The following RPGRIP1L variants were observed in gnomAD, a reference collection of about 807,000 sequenced individuals.
RPGRIP1L encodes RPGRIP1 like.
In RPGRIP1L, 131 loss-of-function variants were observed where a neutral mutation model predicts 160.4. The ratio of observed to expected loss-of-function variants is 0.82; its 90% CI spans 0.71 to 0.94. RPGRIP1L has a LOEUF of 0.94. Among genes scored for constraint, RPGRIP1L ranks in the 40% least tolerant of loss-of-function variants. The probability of loss-of-function intolerance (pLI) is 0.00; values close to 1 mark genes in which losing one functional copy is unlikely to be tolerated. For synonymous variants in RPGRIP1L, 510 were observed against 515.8 expected, an observed-to-expected ratio of 0.99 and a Z score of 0.15; for missense variants, 1,522 against 1,535.8, an observed-to-expected ratio of 0.99 and a Z score of 0.15.
chr16:53,684,620 A>C (rs1431256902), intron 6 of RPGRIP1L, among the ~76,000 whole-genome samples: 5 of 152,122 alleles, frequency 3.3e-5, no homozygotes, highest in Non-Finnish European at 1.5e-5. Flanking sequence ...GAGGGATAAC[A>C]TTAGGAGATA....
intron 23 of RPGRIP1L, among the ~76,000 whole-genome samples, chr16:53,620,987 T>A (rs1964674237): frequency 6.6e-6 from 1 of 152,196 alleles, no homozygotes; most frequent in African/African-American, 2.4e-5. Context: ...ACAACATTTA[T>A]GTTTCTGCAC....
intron 17 of RPGRIP1L, among the ~76,000 whole-genome samples, chr16:53,644,291 A>G (rs1365108863): frequency 1.3e-5 from 2 of 152,212 alleles, no homozygotes; most frequent in African/African-American, 4.8e-5. Context: ...AATCTGAAGA[A>G]TGGGAGGAAA....
intron 8 of RPGRIP1L, 52 bp from the exon 9 acceptor site, chr16:53,671,635 G>A (rs760668709): frequency 3.1e-5 from 29 of 931,162 alleles, no homozygotes; most frequent in Non-Finnish European, 4.4e-5. Context: ...AAAACCACTT[G>A]GGGGTAAAAA....
At chr16:53,648,613 TGCGCGCGC>T (rs113828309) in intron 16 of RPGRIP1L, among the ~76,000 whole-genome samples, 4 of 133,134 alleles carry the variant, frequency 3.0e-5, no homozygotes, top group African/African-American at 1.0e-4. Flanking sequence ...CGTACGCGCG[TGCGCGCGC>T]GCGCGCACAC....
At chr16:53,658,648 A>G in intron 11 of RPGRIP1L, 124 bp downstream of exon 11, 2 of 840,728 alleles carry the variant, frequency 2.4e-6, no homozygotes, top group South Asian at 3.0e-5. Context: ...TGATAGCATG[A>G]GTTAATAAAC....
At chr16:53,618,183 G>A (rs1199698787) in intron 24 of RPGRIP1L, among the ~76,000 whole-genome samples, 3 of 152,170 alleles carry the variant, frequency 2.0e-5, no homozygotes, top group African/African-American at 4.8e-5. Context: ...CAGAAAACCT[G>A]CCTGCTGCTA....
chr16:53,616,231 G>T (rs954310068), intron 24 of RPGRIP1L, among the ~76,000 whole-genome samples: 1 of 152,140 alleles, frequency 6.6e-6, no homozygotes, highest in African/African-American at 2.4e-5. Flanking sequence ...GAAGATGTAA[G>T]TCTACATTAT....
intron 15 of RPGRIP1L, among the ~76,000 whole-genome samples, chr16:53,651,177 A>G (rs1316251437): frequency 6.6e-6 from 1 of 152,142 alleles, no homozygotes; most frequent in African/African-American, 2.4e-5. Context: ...TGGCATCACT[A>G]TTCTTCTAGC....
intron 6 of RPGRIP1L, among the ~76,000 whole-genome samples, chr16:53,678,223 A>G (rs1477199): frequency 0.14 from 21,992 of 151,988 alleles, 1,648 homozygotes; most frequent in Middle Eastern, 0.21. Context: ...TCTCTAGATT[A>G]AGAACAAACT....
chr16:53,626,017 G>A (rs1470064466), intron 22 of RPGRIP1L, among the ~76,000 whole-genome samples: 2 of 151,594 alleles, frequency 1.3e-5, no homozygotes, highest in Non-Finnish European at 2.9e-5. Context: ...AAGGCTGCAG[G>A]GTCCTCTGCC....
At chr16:53,699,386 T>TAAAA (rs10652484) in intron 2 of RPGRIP1L, among the ~76,000 whole-genome samples, 128 of 76,290 alleles carry the variant, frequency 1.7e-3, no homozygotes, top group Admixed American at 2.8e-3. Flanking sequence ...GAATGATCAA[T>TAAAA]AAAAAAAAAA....
intron 6 of RPGRIP1L, among the ~76,000 whole-genome samples, chr16:53,681,762 A>G (rs926649003): frequency 6.6e-6 from 1 of 152,256 alleles, no homozygotes; most frequent in African/African-American, 2.4e-5. Flanking sequence ...CATACTATGA[A>G]GAGTTTCTGT....
chr16:53,688,603 A>C (rs1481145600), intron 4 of RPGRIP1L, among the ~76,000 whole-genome samples: 1 of 152,068 alleles, frequency 6.6e-6, no homozygotes, highest in South Asian at 2.1e-4. Context: ...TAATTATGTG[A>C]GTTATTTTAC....
At position 53,605,322 on chromosome 16, in the gene RPGRIP1L, AAG is replaced by A. The variant is rs1963606755; in HGVS notation, c.3835+157_3835+158del. ...GGGGAGGACAGGAAAAGGATATAGGAAGACGCTTCAGCTTCACCAAAGCGTCA... is the reference window on the plus strand; with the variant it reads ...GGGGAGGACAGGAAAAGGATATAGGAACGCTTCAGCTTCACCAAAGCGTCA... On this transcript the variant is annotated intron_variant, in intron 26 of 26. Transcript: ENST00000647211. 20 of 753,750 alleles carry A rather than the reference AAG, an allele frequency of 2.7e-5. No homozygotes were observed. The East Asian group carries it at 4.6e-4, about 17-fold the overall frequency. The allele number at this position is 753,750 out of a possible 1,614,324, so 46.7% of individuals were successfully genotyped here.
At chr16:53,631,866 A>T (rs1212110517) in intron 22 of RPGRIP1L, among the ~76,000 whole-genome samples, 1 of 152,210 alleles carries the variant, frequency 6.6e-6, no homozygotes, top group Non-Finnish European at 1.5e-5. Context: ...GGAAACGAAG[A>T]AAGATAGGGG....
intron 22 of RPGRIP1L, among the ~76,000 whole-genome samples, chr16:53,624,753 C>T (rs1010999240): frequency 1.9e-4 from 23 of 123,742 alleles, no homozygotes; most frequent in Admixed American, 1.1e-3. Flanking sequence ...ATGGGAGTCC[C>T]TCCCCCTCCC....
rs202201818 is a variant in RPGRIP1L at position 53,657,554 on chromosome 16, A to G, written c.1480T>C (p.Ser494Pro). 6.2e-7 allele frequency: 1 copy of G among 1,606,920 alleles called. No individual in the cohort carries two copies. Among genetic ancestry groups the G allele is most frequent in the Non-Finnish European group, 8.5e-7 (1 of 1,173,974 alleles). Residue 494 changes from serine (S) to proline (P), a missense_variant, in exon 13 of 27, where the codon TCT becomes CCT. Transcript: ENST00000647211. The part of the protein sequence containing the change: ...DSEINKDLER[S>P]MRELQATHAE... ...TGAGTTGCTTGCAGCTCTCTCATAG[A>G]GCGTTCTAGATCTTTATTAATTTCA...
At chr16:53,637,921 G>A in intron 20 of RPGRIP1L, 67 bp from the exon 21 acceptor site, 1 of 1,464,960 alleles carries the variant, frequency 6.8e-7, no homozygotes. Context: ...CATTATTGCT[G>A]GAACAGTTGA....
At chr16:53,632,599 T>C (rs932644108) in intron 22 of RPGRIP1L, among the ~76,000 whole-genome samples, 40 of 152,250 alleles carry the variant, frequency 2.6e-4, no homozygotes, top group African/African-American at 9.4e-4. Context: ...CCCCATTCCT[T>C]AAAAATCTCA....
Sources: allele counts gnomAD v4.1 joint callset (sites outside exome capture counted in the v4.1 genomes callset), GRCh38; gene constraint gnomAD v4.1.1; transcripts MANE v1.5; gene names NCBI Gene and HGNC (gene_info 2026-07-23, HGNC 2026-07-21).